Variants in EFCAB6 observed in about 807,000 individuals in gnomAD.
The protein encoded by EFCAB6 is EF-hand calcium-binding domain-containing protein 6.
EFCAB6 carries 156 observed loss-of-function variants against 169.8 expected under a neutral mutation model. That is an observed-to-expected ratio of 0.92 (90% CI 0.81 to 1.05). The LOEUF is 1.05. EFCAB6 is among the 50% of genes least tolerant of loss of function. The probability of loss-of-function intolerance (pLI) is 0.00; values close to 1 mark genes in which losing one functional copy is unlikely to be tolerated. For missense variants in EFCAB6, 1,800 were observed against 1,829.1 expected (o/e 0.98, Z 0.29); for synonymous variants, 698 against 676.4 (o/e 1.03, Z -0.50).
intron 26 of EFCAB6, among the ~76,000 whole-genome samples, chr22:43,562,545 G>C (rs1027663854): frequency 6.7e-6 from 1 of 149,618 alleles, no homozygotes; most frequent in Non-Finnish European, 1.5e-5. Context: ...GGGTGGGAGG[G>C]AGGCAGCCCA....
At chr22:43,622,313 C>T (rs560592183) in intron 20 of EFCAB6, among the ~76,000 whole-genome samples, 13 of 152,190 alleles carry the variant, frequency 8.5e-5, no homozygotes, top group African/African-American at 3.1e-4. Context: ...GTCTGTAATC[C>T]CAGCACTTCA....
At chr22:43,562,578 C>A (rs1182385677) in intron 26 of EFCAB6, among the ~76,000 whole-genome samples, 4 of 131,852 alleles carry the variant, frequency 3.0e-5, no homozygotes, top group Non-Finnish European at 4.9e-5. Context: ...AGGGAGGCAG[C>A]CCGGTGGGGG....
chr22:43,790,889 T>C (rs966109284), intron 2 of EFCAB6, among the ~76,000 whole-genome samples: 5 of 152,222 alleles, frequency 3.3e-5, no homozygotes, highest in Non-Finnish European at 7.3e-5. Flanking sequence ...GAGTCCATCA[T>C]ACTCTGGTAG....
Position 43,687,711 on chromosome 22 carries a change from A to C in EFCAB6, c.1032-130T>G, listed in dbSNP as rs1395851347. On this transcript the variant is annotated intron_variant, in intron 10 of 31. Coordinates refer to ENST00000262726, the MANE Select transcript of EFCAB6 (RefSeq NM_022785.4). The stretch of plus-strand genomic sequence containing the variant: ...TATATGAAGTTTCAAATCTAATATA[A>C]ACAAAATCACTTAGTAAAATAGTAC... The C allele has an allele frequency of 9.3e-6, 5 of 539,080 alleles. No homozygotes were observed. The Admixed American group carries it at 1.5e-4, about 16-fold the overall frequency. The allele number at this position is 539,080 out of a possible 1,614,324, so 33.4% of individuals were successfully genotyped here. A position where few individuals can be genotyped will look rare whatever the true frequency, so the allele number is the denominator to read the frequency against.
chr22:43,784,598 T>TAC (rs571454186), intron 2 of EFCAB6, among the ~76,000 whole-genome samples: 9,140 of 64,626 alleles, frequency 0.14, 1,632 homozygotes, highest in East Asian at 0.54. Flanking sequence ...TATGTATATA[T>TAC]ACACATATAT....
intron 27 of EFCAB6, among the ~76,000 whole-genome samples, chr22:43,546,235 A>G (rs557338067): frequency 1.3e-5 from 2 of 152,232 alleles, no homozygotes; most frequent in Non-Finnish European, 2.9e-5. Flanking sequence ...AAATATAATC[A>G]TTGATAAATT....
At chr22:43,749,208 A>G (rs2060669734) in intron 6 of EFCAB6, among the ~76,000 whole-genome samples, 1 of 151,904 alleles carries the variant, frequency 6.6e-6, no homozygotes. Context: ...ATGAATGATG[A>G]GTGGTAGAAC....
intron 5 of EFCAB6, among the ~76,000 whole-genome samples, chr22:43,762,709 A>G (rs1281558770): frequency 1.3e-5 from 2 of 152,202 alleles, no homozygotes; most frequent in Admixed American, 1.3e-4. Flanking sequence ...TGTTTAAGAG[A>G]GTAACTCATG....
At position 43,554,913 on chromosome 22, in the gene EFCAB6, T is replaced by C. The variant is rs2048611582; in HGVS notation, c.3604A>G (p.Arg1202Gly). The C allele has an allele frequency of 2.5e-6, 4 of 1,614,206 alleles. No individual in the cohort carries two copies. The African/African-American group carries it at 4.0e-5, about 16-fold the overall frequency. Residue 1202 changes from arginine (R) to glycine (G), a missense_variant, in exon 27 of 32, where the codon AGG (arginine) becomes GGG (glycine). Coordinates refer to ENST00000262726, the MANE Select transcript of EFCAB6 (RefSeq NM_022785.4). ...TGGACGCGGCGATTACAAATGGCCC[T>C]AAACTCCTCTCTGGAGATGGTGTTC... ...KTNTISREEFRAICNRRVQIL... is the reference protein window; with the variant it reads ...KTNTISREEFGAICNRRVQIL...
chr22:43,737,320 A>T (rs1273185829), intron 6 of EFCAB6, among the ~76,000 whole-genome samples: 1 of 151,594 alleles, frequency 6.6e-6, no homozygotes, highest in Admixed American at 6.6e-5. Context: ...ACCATCACTC[A>T]CACACACACA....
intron 2 of EFCAB6, among the ~76,000 whole-genome samples, chr22:43,783,218 T>A (rs2061894321): frequency 6.6e-6 from 1 of 152,190 alleles, no homozygotes; most frequent in South Asian, 2.1e-4. Flanking sequence ...TTGTTTAAAA[T>A]CATGGCTACC....
At chr22:43,662,631 G>T (rs953381578) in intron 17 of EFCAB6, among the ~76,000 whole-genome samples, 1 of 151,938 alleles carries the variant, frequency 6.6e-6, no homozygotes, top group African/African-American at 2.4e-5. Context: ...CAAGAACATT[G>T]TATATCCATG....
At chr22:43,645,532 T>C (rs1427956986) in intron 17 of EFCAB6, among the ~76,000 whole-genome samples, 1 of 152,154 alleles carries the variant, frequency 6.6e-6, no homozygotes, top group Non-Finnish European at 1.5e-5. Flanking sequence ...AACAGCAGAG[T>C]AACATAAAAT....
intron 10 of EFCAB6, among the ~76,000 whole-genome samples, chr22:43,696,629 G>C (rs2058585934): frequency 6.6e-6 from 1 of 152,090 alleles, no homozygotes; most frequent in South Asian, 2.1e-4. Context: ...AAAATTAATG[G>C]GATGTTGAGA....
chr22:43,731,723 G>A lies in EFCAB6; in HGVS notation c.733C>T (p.Leu245Phe). The A allele has an allele frequency of 6.3e-7, 1 of 1,593,378 alleles. No homozygotes were observed. The highest frequency in any genetic ancestry group is 8.5e-7 in the Non-Finnish European group (1 of 1,172,002). Residue 245 changes from leucine (L) to phenylalanine (F), a missense_variant, in exon 8 of 32, where the codon CTT becomes TTT. Transcript: ENST00000262726. Reference sequence around the variant, plus strand: ...CCTTGATTTCCCATACAATATCTAAGGTTCAAGTCGTTATTTATGCTGAGA... The same window carrying A: ...CCTTGATTTCCCATACAATATCTAAAGTTCAAGTCGTTATTTATGCTGAGA... ...KNLSINNDLN[L>F]RYCMGNQEVS...
At chr22:43,751,961 C>T (rs2060785906) in intron 6 of EFCAB6, among the ~76,000 whole-genome samples, 1 of 152,074 alleles carries the variant, frequency 6.6e-6, no homozygotes, top group South Asian at 2.1e-4. Flanking sequence ...TCAGTGCTAG[C>T]TATTATTACT....
At chr22:43,686,742 T>C (rs953889356) in intron 11 of EFCAB6, among the ~76,000 whole-genome samples, 5 of 152,168 alleles carry the variant, frequency 3.3e-5, no homozygotes, top group Non-Finnish European at 5.9e-5. Context: ...TGGTATATTT[T>C]ACTTTACAGT....
At chr22:43,679,251 A>G (rs1032931643) in intron 12 of EFCAB6, among the ~76,000 whole-genome samples, 1 of 152,172 alleles carries the variant, frequency 6.6e-6, no homozygotes, top group Non-Finnish European at 1.5e-5. Context: ...TCATAAATAC[A>G]TGGTTTCCTG....
intron 17 of EFCAB6, among the ~76,000 whole-genome samples, chr22:43,659,920 T>A (rs558416765): frequency 6.6e-6 from 1 of 152,244 alleles, no homozygotes; most frequent in African/African-American, 2.4e-5. Context: ...AGAAAGGAGC[T>A]GAAATCTGGG....
Sources: allele counts gnomAD v4.1 joint callset (sites outside exome capture counted in the v4.1 genomes callset), GRCh38; gene constraint gnomAD v4.1.1; transcripts MANE v1.5; gene names NCBI Gene and HGNC (gene_info 2026-07-23, HGNC 2026-07-21).